EYS: variants seen among roughly 807,000 people sequenced by gnomAD.
The protein encoded by EYS is EGF-like photoreceptor maintenance factor.
A neutral mutation model predicts 282.1 loss-of-function variants in EYS; 250 were observed. That is an observed-to-expected ratio of 0.89 (90% CI 0.80 to 0.98). The LOEUF (loss-of-function observed/expected upper bound fraction) is 0.98. Among genes scored for constraint, EYS ranks in the 50% least tolerant of loss-of-function variants. The pLI, the probability that EYS is intolerant of heterozygous loss-of-function variation, is 0.00. For synonymous variants in EYS, 1,355 were observed against 1,282.9 expected, an observed-to-expected ratio of 1.06 and a Z score of -1.20; for missense variants, 4,016 against 3,709.0, an observed-to-expected ratio of 1.08 and a Z score of -2.15.
rs981456022 is a variant in EYS at position 64,122,366 on chromosome 6, C to A, written c.6425-40364G>T. On this transcript the variant is annotated intron_variant, in intron 31 of 42. Transcript: ENST00000503581. ...GTGGATATGAATTAGTAGAGTAACT[C>A]ATTAGATATACTTTCTAGCCCCAGA... Among the ~76,000 whole-genome samples the A allele has an allele frequency of 9.9e-5, 15 of 152,194 alleles. No homozygotes were observed. The Middle Eastern group carries it at 0.01, about 104-fold the overall frequency.
intron 2 of EYS, among the ~76,000 whole-genome samples, chr6:65,617,420 T>C (rs892422135): frequency 1.3e-5 from 2 of 152,134 alleles, no homozygotes; most frequent in Admixed American, 1.3e-4. Context: ...TATTGGTAAA[T>C]GTTTAATGAT....
At chr6:64,498,597 A>G (rs919632264) in intron 26 of EYS, among the ~76,000 whole-genome samples, 1 of 151,852 alleles carries the variant, frequency 6.6e-6, no homozygotes, top group Admixed American at 6.6e-5. Context: ...TGCGTTAGGT[A>G]TTTGCCCTAA....
chr6:65,339,189 G>A (rs1425721184), intron 10 of EYS, among the ~76,000 whole-genome samples: 1 of 150,984 alleles, frequency 6.6e-6, no homozygotes, highest in African/African-American at 2.4e-5. Context: ...ATCTGTCAAG[G>A]TAAAAATTGC....
At chr6:64,020,107 G>C (rs1257903711) in intron 33 of EYS, among the ~76,000 whole-genome samples, 1 of 151,950 alleles carries the variant, frequency 6.6e-6, no homozygotes, top group Non-Finnish European at 1.5e-5. Context: ...TATTCAAATA[G>C]AGTAATAACA....
At chr6:65,687,370 T>C (rs1487370141) in intron 1 of EYS, among the ~76,000 whole-genome samples, 2 of 152,088 alleles carry the variant, frequency 1.3e-5, no homozygotes, top group East Asian at 3.9e-4. Flanking sequence ...TATGCTGATG[T>C]GAATGACAAT....
intron 36 of EYS, among the ~76,000 whole-genome samples, chr6:63,830,231 G>A (rs1051084028): frequency 5.3e-5 from 8 of 152,236 alleles, no homozygotes; most frequent in African/African-American, 1.9e-4. Context: ...GACAAGTTGA[G>A]AGAAGAAGGC....
chr6:65,552,227 G>C (rs1348246678), intron 2 of EYS, among the ~76,000 whole-genome samples: 1 of 152,070 alleles, frequency 6.6e-6, no homozygotes, highest in Non-Finnish European at 1.5e-5. Flanking sequence ...TCTCAAACTT[G>C]TTATCTCGAC....
intron 12 of EYS, among the ~76,000 whole-genome samples, chr6:65,282,419 TA>T (rs1231333827): frequency 6.6e-6 from 1 of 151,878 alleles, no homozygotes. Context: ...TAAAATTAAA[TA>T]AAAACATAAC....
Position 64,453,916 on chromosome 6 carries a change from G to A in EYS, c.5645-14564C>T, listed in dbSNP as rs976710399. Among the ~76,000 whole-genome samples the A allele has an allele frequency of 2.0e-5, 3 of 151,992 alleles. No homozygotes were observed. In the East Asian group the frequency reaches 5.8e-4, roughly 29 times the overall value. ...AGATATACCTAATGCTAAATGACGA[G>A]TTAATGTGTGCAGCACACCAACTTG... On this transcript the variant is annotated intron_variant, in intron 26 of 42. Transcript: ENST00000503581.
At chr6:65,013,323 C>T (rs9363320) in intron 13 of EYS, among the ~76,000 whole-genome samples, 53,206 of 152,040 alleles carry the variant, frequency 0.35, 11,411 homozygotes, top group Admixed American at 0.49. Flanking sequence ...ACCCCCATAT[C>T]ATGTTGATTT....
chr6:64,887,164 G>A (rs1332697744), intron 18 of EYS, among the ~76,000 whole-genome samples: 1 of 150,806 alleles, frequency 6.6e-6, no homozygotes, highest in Non-Finnish European at 1.5e-5. Flanking sequence ...ATCATTCTCA[G>A]CAAACTATCA....
chr6:64,810,426 A>T (rs1410411644), intron 22 of EYS, among the ~76,000 whole-genome samples: 1 of 152,074 alleles, frequency 6.6e-6, no homozygotes, highest in East Asian at 1.9e-4. Flanking sequence ...ACTTGACAGC[A>T]CTTACTATAT....
At chr6:64,346,303 A>C (rs1200150817) in intron 29 of EYS, among the ~76,000 whole-genome samples, 1 of 152,136 alleles carries the variant, frequency 6.6e-6, no homozygotes, top group Admixed American at 6.6e-5. Context: ...GAACCAACCC[A>C]AATATCCAAC....
intron 9 of EYS, among the ~76,000 whole-genome samples, chr6:65,348,233 A>G (rs1044945996): frequency 2.6e-5 from 4 of 151,536 alleles, no homozygotes; most frequent in Non-Finnish European, 5.9e-5. Flanking sequence ...ATCCCCTTTC[A>G]TTTGAGTATA....
chr6:65,405,287 C>T lies in EYS; in HGVS notation c.943G>A (p.Ala315Thr), dbSNP rs771167869. ...KRGICPNSSS[A>T]YTYECPKGSS... ...CCTTTTGGGCATTCATAAGTATAAGCAGAACTGCTATTTGGGCAAATTCCT... is the reference window on the plus strand; with the variant it reads ...CCTTTTGGGCATTCATAAGTATAAGTAGAACTGCTATTTGGGCAAATTCCT... Residue 315 changes from alanine (A) to threonine (T), a missense_variant, in exon 6 of 43, where the codon GCT (alanine) becomes ACT (threonine). Physicochemically the swap from Ala to Thr is moderately conservative, Grantham distance 58 (BLOSUM62 0). Transcript: ENST00000503581. The T allele has an allele frequency of 5.6e-6, 9 of 1,612,566 alleles. No individual in the cohort carries two copies. In the East Asian group the frequency reaches 2.0e-4, roughly 36 times the overall value.
chr6:64,685,131 T>A (rs1029192139), intron 22 of EYS, among the ~76,000 whole-genome samples: 1 of 151,998 alleles, frequency 6.6e-6, no homozygotes, highest in Non-Finnish European at 1.5e-5. Flanking sequence ...CTGATTATAA[T>A]AATATCAGAC....
intron 36 of EYS, among the ~76,000 whole-genome samples, chr6:63,854,841 T>G (rs1772350170): frequency 6.6e-6 from 1 of 152,190 alleles, no homozygotes; most frequent in Non-Finnish European, 1.5e-5. Flanking sequence ...AGATTAGTGG[T>G]CTCCAAGCTT....
rs931435196 is a variant in EYS at position 65,360,078 on chromosome 6, T to TTA, written c.1300-6463_1300-6462dup. Reference sequence around the variant, plus strand: ...AGTTTTAATTGACACATAAGAACTATTATTGTTAAAAATTGGAAGTATATA... The same window carrying TTA: ...AGTTTTAATTGACACATAAGAACTATTATATTGTTAAAAATTGGAAGTATATA... On this transcript the variant is annotated intron_variant, in intron 8 of 42. Coordinates refer to ENST00000503581, the MANE Select transcript of EYS (RefSeq NM_001142800.2). Among the ~76,000 whole-genome samples, 71 of 152,082 alleles carry TTA rather than the reference T, an allele frequency of 4.7e-4. 1 individual carries two copies. Among genetic ancestry groups the TTA allele is most frequent in the African/African-American group, 1.6e-3 (66 of 41,552 alleles).
At chr6:64,352,530 C>A (rs589095) in intron 29 of EYS, among the ~76,000 whole-genome samples, 103,814 of 151,248 alleles carry the variant, frequency 0.69, 35,670 homozygotes, top group South Asian at 0.71. Flanking sequence ...TTGTCCAAGT[C>A]ACCAATGTTT....
Sources: allele counts gnomAD v4.1 joint callset (sites outside exome capture counted in the v4.1 genomes callset), GRCh38; gene constraint gnomAD v4.1.1; transcripts MANE v1.5; gene names NCBI Gene and HGNC (gene_info 2026-07-23, HGNC 2026-07-21).